Variants in COL22A1 observed in about 807,000 individuals in gnomAD.
The protein encoded by COL22A1 is collagen alpha-1(XXII) chain.
Under a neutral mutation model 248.9 loss-of-function variants are expected in COL22A1, and 221 were observed. That is an observed-to-expected ratio of 0.89 (90% CI 0.80 to 0.99). The LOEUF is 0.99. Ranked by LOEUF, COL22A1 falls within the 50% of genes least tolerant of loss-of-function variation. The pLI, the probability that COL22A1 is intolerant of heterozygous loss-of-function variation, is 0.00. For synonymous variants in COL22A1, 891 were observed against 793.4 expected, an observed-to-expected ratio of 1.12 and a Z score of -2.07; for missense variants, 2,240 against 2,179.0, an observed-to-expected ratio of 1.03 and a Z score of -0.56.
intron 37 of COL22A1, among the ~76,000 whole-genome samples, chr8:138,688,547 G>C (rs753010377): frequency 1.3e-5 from 2 of 152,036 alleles, no homozygotes; most frequent in Non-Finnish European, 2.9e-5. Context: ...CTCATAGCTT[G>C]GGAAGGTTTA....
At position 138,684,511 on chromosome 8, in the gene COL22A1, G is replaced by C. The variant is rs541877261; in HGVS notation, c.2968-42C>G. ...TACAAGGACAATCATGGAGCTGAGA[G>C]TGAACACTGACCCATCCACCACGTG... On this transcript the variant is annotated intron_variant, in intron 38 of 64. Transcript: ENST00000303045. 34 of 1,452,786 alleles carry C rather than the reference G, an allele frequency of 2.3e-5. No individual in the cohort carries two copies. The South Asian group carries it at 3.6e-4, about 16-fold the overall frequency. The allele number at this position is 1,452,786 out of a possible 1,614,324, so 90.0% of individuals were successfully genotyped here. A position where few individuals can be genotyped will look rare whatever the true frequency, so the allele number is the denominator to read the frequency against.
At chr8:138,703,985 C>A (rs1036495711) in intron 30 of COL22A1, among the ~76,000 whole-genome samples, 1 of 152,222 alleles carries the variant, frequency 6.6e-6, no homozygotes, top group African/African-American at 2.4e-5. Context: ...ATATCCCGCA[C>A]CTGGCTCAGA....
Position 138,591,341 on chromosome 8 carries a change from G to A in COL22A1, c.4693+83C>T, listed in dbSNP as rs377635590. ...TAAGCCCTCCTCTCCGCTCACTGCT[G>A]AGTCCTGTGGGGCCACGGGCAGGGG... On this transcript the variant is annotated intron_variant, in intron 64 of 64. Transcript: ENST00000303045. 5 of 948,714 alleles carry A rather than the reference G, an allele frequency of 5.3e-6. No individual in the cohort carries two copies. In the African/African-American group the frequency reaches 8.4e-5, roughly 16 times the overall value. The allele number at this position is 948,714 out of a possible 1,614,324, so 58.8% of individuals were successfully genotyped here.
Position 138,599,034 on chromosome 8 carries a change from G to C in COL22A1, c.4186-136C>G, listed in dbSNP as rs567088670. On this transcript the variant is annotated intron_variant, in intron 60 of 64. Transcript: ENST00000303045. The stretch of plus-strand genomic sequence containing the variant: ...CTTGGCCCTGGGTGGCCCATGTGTG[G>C]CTTGGGGTGAGAAGAGCCCCAGAAT... The C allele has an allele frequency of 6.1e-6, 5 of 826,266 alleles. No homozygotes were observed. The African/African-American group carries it at 6.9e-5, about 11-fold the overall frequency. 51.2% of individuals were successfully genotyped at this position (826,266 alleles called of 1,614,324 possible).
chr8:138,773,152 C>A (rs1357869846), intron 16 of COL22A1, among the ~76,000 whole-genome samples: 1 of 152,228 alleles, frequency 6.6e-6, no homozygotes, highest in East Asian at 1.9e-4. Flanking sequence ...ACTGCTGGCT[C>A]ATGGAACAGT....
chr8:138,820,093 T>TAA (rs34268037), intron 7 of COL22A1, among the ~76,000 whole-genome samples: 2 of 150,898 alleles, frequency 1.3e-5, no homozygotes, highest in African/African-American at 2.4e-5. Flanking sequence ...ATGCTTTAGC[T>TAA]AAAAAAAAAT....
intron 3 of COL22A1, among the ~76,000 whole-genome samples, chr8:138,853,252 C>T (rs1821773929): frequency 6.6e-6 from 1 of 152,140 alleles, no homozygotes; most frequent in African/African-American, 2.4e-5. Flanking sequence ...GGGCGAGGGC[C>T]CCATTGGAGC....
chr8:138,748,866 T>A (rs1202969930), intron 22 of COL22A1, among the ~76,000 whole-genome samples: 2 of 152,192 alleles, frequency 1.3e-5, no homozygotes, highest in Non-Finnish European at 2.9e-5. Context: ...AAGAAGGTGA[T>A]ATGGTTTGGC....
chr8:138,809,068 T>A (rs542296465), intron 9 of COL22A1, among the ~76,000 whole-genome samples: 705 of 40,878 alleles, frequency 0.017, 9 homozygotes, highest in East Asian at 0.14. Context: ...TGTGTTGTAT[T>A]TTTTTTTTTT....
intron 5 of COL22A1, 78 bp from the exon 6 acceptor site, chr8:138,826,859 G>A (rs1282462062): frequency 3.9e-6 from 6 of 1,542,170 alleles, no homozygotes; most frequent in East Asian, 2.3e-5. Context: ...ACACAACCCA[G>A]CAGTGATCAA....
At chr8:138,658,864 A>G (rs1823530269) in intron 44 of COL22A1, among the ~76,000 whole-genome samples, 1 of 127,084 alleles carries the variant, frequency 7.9e-6, no homozygotes, top group Admixed American at 7.3e-5. Flanking sequence ...TTAATCTAAC[A>G]GATCTTCTCT....
intron 22 of COL22A1, among the ~76,000 whole-genome samples, chr8:138,748,164 C>T (rs1832283290): frequency 6.6e-6 from 1 of 152,156 alleles, no homozygotes; most frequent in African/African-American, 2.4e-5. Flanking sequence ...CACCTTTTCC[C>T]TTGGATGTGC....
intron 7 of COL22A1, 149 bp downstream of exon 7, chr8:138,820,987 T>C: frequency 1.2e-6 from 1 of 825,936 alleles, no homozygotes; most frequent in Admixed American, 2.9e-5. Flanking sequence ...GGCAGTTTTC[T>C]GAGTCAGGGT....
chr8:138,650,915 A>C (rs1822669105), intron 45 of COL22A1, among the ~76,000 whole-genome samples: 2 of 152,208 alleles, frequency 1.3e-5, no homozygotes, highest in African/African-American at 4.8e-5. Context: ...AACGCTGTCA[A>C]CTGACACAAA....
intron 39 of COL22A1, among the ~76,000 whole-genome samples, chr8:138,679,964 C>T (rs879890481): frequency 9.9e-5 from 15 of 152,196 alleles, no homozygotes; most frequent in Admixed American, 8.5e-4. Flanking sequence ...AGTCTGGAAG[C>T]GTGGAGTCAC....
chr8:138,690,707 G>T, intron 36 of COL22A1, 114 bp downstream of exon 36: 5 of 763,336 alleles, frequency 6.6e-6, no homozygotes, highest in South Asian at 2.6e-5. Flanking sequence ...TCTGGAAAAT[G>T]GGAGTAAGGA....
At chr8:138,817,544 C>A (rs561080782) in intron 7 of COL22A1, among the ~76,000 whole-genome samples, 3 of 152,116 alleles carry the variant, frequency 2.0e-5, no homozygotes, top group Non-Finnish European at 4.4e-5. Flanking sequence ...GGTGGGGAAC[C>A]AACTACTTCT....
intron 59 of COL22A1, among the ~76,000 whole-genome samples, chr8:138,603,019 C>T (rs546162616): frequency 1.3e-5 from 2 of 152,146 alleles, no homozygotes; most frequent in African/African-American, 2.4e-5. Flanking sequence ...AAATTCAGCC[C>T]GGGGGCTCTT....
chr8:138,610,600 C>T (rs1042141022), intron 56 of COL22A1, among the ~76,000 whole-genome samples: 2 of 152,190 alleles, frequency 1.3e-5, no homozygotes, highest in African/African-American at 4.8e-5. Context: ...TTATGATGTA[C>T]CCGAGAATTG....
Sources: allele counts gnomAD v4.1 joint callset (sites outside exome capture counted in the v4.1 genomes callset), GRCh38; gene constraint gnomAD v4.1.1; transcripts MANE v1.5; gene names NCBI Gene and HGNC (gene_info 2026-07-23, HGNC 2026-07-21).